Variants in MAP3K3 observed in about 807,000 individuals in gnomAD.
MAP3K3 encodes mitogen-activated protein kinase kinase kinase 3, also known as MAP/ERK kinase kinase 3.
In MAP3K3, 12 loss-of-function variants were observed where a neutral mutation model predicts 80.9. The observed-to-expected ratio is 0.15, with a 90% confidence interval of 0.10 to 0.24. The LOEUF (loss-of-function observed/expected upper bound fraction) is 0.24. MAP3K3 is among the 10% of genes least tolerant of loss of function. The pLI, the probability that MAP3K3 is intolerant of heterozygous loss-of-function variation, is 1.00. For missense variants in MAP3K3, 596 were observed against 834.7 expected (o/e 0.71, Z 3.52); for synonymous variants, 272 against 307.1 (o/e 0.89, Z 1.19).
chr17:63,627,742 A>G (rs1289277380), intron 1 of MAP3K3, among the ~76,000 whole-genome samples: 2 of 151,824 alleles, frequency 1.3e-5, no homozygotes, highest in African/African-American at 2.4e-5. Context: ...GTGCCTGGCC[A>G]TGACTAATTT....
chr17:63,680,313 T>C (rs1225776138), intron 6 of MAP3K3, among the ~76,000 whole-genome samples: 3 of 152,200 alleles, frequency 2.0e-5, no homozygotes, highest in Non-Finnish European at 4.4e-5. Flanking sequence ...AGGGCTCTTG[T>C]GTCTCTGGTT....
intron 7 of MAP3K3, chr17:63,682,482 A>C (rs909946465): frequency 6.6e-6 from 1 of 152,228 alleles, no homozygotes; most frequent in Non-Finnish European, 1.5e-5. Flanking sequence ...CATGACTCAA[A>C]TGGGTCCTCT....
At chr17:63,643,289 G>T (rs2034480743) in intron 2 of MAP3K3, among the ~76,000 whole-genome samples, 1 of 151,910 alleles carries the variant, frequency 6.6e-6, no homozygotes, top group African/African-American at 2.4e-5. Flanking sequence ...CAGATTGCTT[G>T]AGCCCAGGAG....
At chr17:63,665,718 A>G (rs1050123378) in intron 5 of MAP3K3, among the ~76,000 whole-genome samples, 9 of 152,120 alleles carry the variant, frequency 5.9e-5, no homozygotes, top group Admixed American at 5.9e-4. Flanking sequence ...GCTATTGCAC[A>G]TCGGAGGCTT....
At position 63,694,056 on chromosome 17, in the gene MAP3K3, C is replaced by A; in HGVS notation, c.*279C>A. 1 of 381,886 alleles carries A rather than the reference C, an allele frequency of 2.6e-6. No individual in the cohort carries two copies. The highest frequency in any genetic ancestry group is 4.7e-6 in the Non-Finnish European group (1 of 212,220). 23.7% of individuals were successfully genotyped at this position (381,886 alleles called of 1,614,324 possible). ...GGCTGGGAACAGTGTGCAAGGCAGC[C>A]GTGGGCCCCACCCTCGGGGATGTGT... On this transcript the variant is annotated 3_prime_UTR_variant, in exon 16 of 16. Coordinates refer to ENST00000361733, the MANE Select transcript of MAP3K3 (RefSeq NM_002401.5).
Position 63,662,823 on chromosome 17 carries a change from A to G in MAP3K3, c.382-4117A>G, listed in dbSNP as rs1001958557. Reference sequence around the variant, plus strand: ...CAGGCGTGCGCCACTACGCCCGGTTAATTTTTGTATTTTTAGTGGAGATGG... The same window carrying G: ...CAGGCGTGCGCCACTACGCCCGGTTGATTTTTGTATTTTTAGTGGAGATGG... On this transcript the variant is annotated intron_variant, in intron 5 of 15. Transcript: ENST00000361733. Among the ~76,000 whole-genome samples the G allele has an allele frequency of 6.5e-4, 96 of 147,964 alleles. 1 individual carries two copies. Among genetic ancestry groups the G allele is most frequent in the African/African-American group, 2.4e-3 (94 of 39,476 alleles).
At chr17:63,639,105 A>G (rs758893179) in intron 2 of MAP3K3, among the ~76,000 whole-genome samples, 26 of 152,338 alleles carry the variant, frequency 1.7e-4, no homozygotes, top group Non-Finnish European at 2.9e-4. Context: ...GGACTACATG[A>G]AAAAAAGAAA....
chr17:63,629,325 A>G (rs1170747116), intron 1 of MAP3K3, among the ~76,000 whole-genome samples: 1 of 152,154 alleles, frequency 6.6e-6, no homozygotes, highest in African/African-American at 2.4e-5. Context: ...GGGTTTCACC[A>G]TGTTGGCCAG....
intron 1 of MAP3K3, among the ~76,000 whole-genome samples, chr17:63,630,615 C>T (rs1243008273): frequency 6.6e-6 from 1 of 152,190 alleles, no homozygotes. Context: ...GCATGAGCCA[C>T]CCTGTCCAGC....
At chr17:63,646,115 CA>C in intron 3 of MAP3K3, 41 bp downstream of exon 3, 2 of 1,581,192 alleles carry the variant, frequency 1.3e-6, no homozygotes, top group Non-Finnish European at 1.7e-6. Context: ...TCATGTATGC[CA>C]AAGTTCTCAG....
chr17:63,674,569 G>A (rs1220952956), intron 6 of MAP3K3, among the ~76,000 whole-genome samples: 3 of 152,074 alleles, frequency 2.0e-5, no homozygotes, highest in African/African-American at 7.2e-5. Flanking sequence ...GCCTGGTCTT[G>A]AATTCCTGGT....
At chr17:63,674,955 C>T (rs560009151) in intron 6 of MAP3K3, among the ~76,000 whole-genome samples, 6 of 152,156 alleles carry the variant, frequency 3.9e-5, no homozygotes, top group Non-Finnish European at 7.4e-5. Context: ...AGCTTCCAGT[C>T]CTAGTACCGA....
chr17:63,643,377 C>G (rs2143273100), intron 2 of MAP3K3, among the ~76,000 whole-genome samples: 1 of 151,996 alleles, frequency 6.6e-6, no homozygotes, highest in Non-Finnish European at 1.5e-5. Context: ...GCGACATGTG[C>G]CTGTTTGTAG....
chr17:63,628,459 G>C (rs1381581403), intron 1 of MAP3K3, among the ~76,000 whole-genome samples: 1 of 147,930 alleles, frequency 6.8e-6, no homozygotes, highest in Non-Finnish European at 1.5e-5. Flanking sequence ...CTCCCAGCTT[G>C]AAGCAGTTCT....
chr17:63,637,825 G>C (rs2034360820), intron 2 of MAP3K3, among the ~76,000 whole-genome samples: 2 of 152,200 alleles, frequency 1.3e-5, no homozygotes. Flanking sequence ...ATGGTAGGTA[G>C]ATACTTGAAC....
At chr17:63,687,709 G>T (rs1444263171) in intron 8 of MAP3K3, among the ~76,000 whole-genome samples, 6 of 150,892 alleles carry the variant, frequency 4.0e-5, no homozygotes, top group Admixed American at 4.0e-4. Context: ...AAAGTCTGGG[G>T]CTGGGCGCGG....
intron 6 of MAP3K3, among the ~76,000 whole-genome samples, chr17:63,672,168 ATC>A (rs1307942788): frequency 1.3e-5 from 2 of 151,734 alleles, no homozygotes; most frequent in African/African-American, 4.9e-5. Flanking sequence ...CTGTAATCCC[ATC>A]TACTAGGGAG....
At position 63,692,179 on chromosome 17, in the gene MAP3K3, G is replaced by A. The variant is rs1298999745; in HGVS notation, c.1475-63G>A. The stretch of plus-strand genomic sequence containing the variant: ...CAGCAGCTCTCAGTGACCCGGGGGT[G>A]GGGAGGATGGGAGAAAATGCAAGAG... On this transcript the variant is annotated intron_variant, in intron 14 of 15. Transcript: ENST00000361733. This position sits in a 1 kb window ranked among gnomAD's most constrained non-coding sequence, Gnocchi z 4.5. 6.3e-7 allele frequency: 1 copy of A among 1,584,930 alleles called. No homozygotes were observed. The highest frequency in any genetic ancestry group is 2.2e-5 in the East Asian group (1 of 44,716).
At chr17:63,637,718 A>G (rs570508115) in intron 2 of MAP3K3, among the ~76,000 whole-genome samples, 1 of 152,272 alleles carries the variant, frequency 6.6e-6, no homozygotes, top group South Asian at 2.1e-4. Context: ...TGATCTTTGC[A>G]AATTTCTGAA....
Sources: allele counts gnomAD v4.1 joint callset (sites outside exome capture counted in the v4.1 genomes callset), GRCh38; gene constraint gnomAD v4.1.1; non-coding constraint Gnocchi (gnomAD v3.1); transcripts MANE v1.5; gene names NCBI Gene and HGNC (gene_info 2026-07-23, HGNC 2026-07-21).